ATP10B: variants seen among roughly 807,000 people sequenced by gnomAD.
ATP10B encodes the protein phospholipid-transporting ATPase VB.
A neutral mutation model predicts 141.2 loss-of-function variants in ATP10B; 122 were observed. That is an observed-to-expected ratio of 0.86 (90% CI 0.75 to 1.00). The LOEUF (loss-of-function observed/expected upper bound fraction) is 1.00, where lower values mean the gene tolerates loss of function less well. Ranked by LOEUF, ATP10B falls within the 50% of genes least tolerant of loss-of-function variation. The probability of loss-of-function intolerance (pLI) is 0.00; values close to 1 mark genes in which losing one functional copy is unlikely to be tolerated. For synonymous variants in ATP10B, 685 were observed against 692.0 expected (o/e 0.99, Z 0.16); for missense variants, 1,876 against 1,825.3 (o/e 1.03, Z -0.51).
the ATP10B span, among the ~76,000 whole-genome samples, chr5:160,867,438 T>C: frequency 6.6e-6 from 1 of 152,122 alleles, no homozygotes; most frequent in Admixed American, 6.6e-5. Flanking sequence ...GCTTATGGCC[T>C]AGATGTGAGG....
At chr5:160,641,086 T>C (rs1003582571) in intron 9 of ATP10B, among the ~76,000 whole-genome samples, 7 of 152,334 alleles carry the variant, frequency 4.6e-5, no homozygotes, top group Admixed American at 3.9e-4. Context: ...TAATTATCAT[T>C]ATTAATAAGT....
At position 160,707,828 on chromosome 5, in the gene ATP10B, T is replaced by C. The variant is rs556063513; in HGVS notation, c.-205+9081A>G. ...ACAGGCTTCGGCATTTAAGTACTCC[T>C]GTGGCTTGAATGGCAAAATGCCCGT... On this transcript the variant is annotated intron_variant, in intron 3 of 25. Transcript: ENST00000327245. Among the ~76,000 whole-genome samples the C allele has an allele frequency of 2.6e-5, 4 of 152,336 alleles. No individual in the cohort carries two copies. The East Asian group carries it at 7.7e-4, about 29-fold the overall frequency.
At chr5:160,752,618 AAAG>A (rs749538502) in intron 2 of ATP10B, among the ~76,000 whole-genome samples, 6 of 152,160 alleles carry the variant, frequency 3.9e-5, no homozygotes, top group Non-Finnish European at 8.8e-5. Flanking sequence ...CGTTGGGTAG[AAAG>A]AAGGATTTTT....
At chr5:160,613,668 T>C (rs1026008351) in intron 17 of ATP10B, among the ~76,000 whole-genome samples, 2 of 152,210 alleles carry the variant, frequency 1.3e-5, no homozygotes, top group African/African-American at 2.4e-5. Flanking sequence ...ATCTTTGCCC[T>C]GCAACTGATC....
the ATP10B span, among the ~76,000 whole-genome samples, chr5:160,869,539 G>A: frequency 2.0e-5 from 3 of 152,078 alleles, no homozygotes; most frequent in Admixed American, 6.6e-5. Context: ...TGCACTTCTG[G>A]CTTCCAATTC....
intron 7 of ATP10B, among the ~76,000 whole-genome samples, chr5:160,649,622 T>G (rs1047613016): frequency 6.6e-6 from 1 of 152,218 alleles, no homozygotes; most frequent in African/African-American, 2.4e-5. Flanking sequence ...GCATTTGAAG[T>G]GTGGTAGTTT....
At chr5:160,586,794 TC>T (rs201913949) in intron 24 of ATP10B, among the ~76,000 whole-genome samples, 2,374 of 152,344 alleles carry the variant, frequency 0.016, 28 homozygotes, top group Middle Eastern at 0.075. Flanking sequence ...TGTGTTCATA[TC>T]CTTTGCCCAC....
intron 7 of ATP10B, among the ~76,000 whole-genome samples, chr5:160,652,895 A>G (rs931114482): frequency 1.5e-5 from 1 of 68,194 alleles, no homozygotes; most frequent in African/African-American, 6.5e-5. Context: ...ATAATTATAT[A>G]ATATATTATA....
At chr5:160,658,969 T>C (rs1761703709) in intron 7 of ATP10B, among the ~76,000 whole-genome samples, 1 of 152,180 alleles carries the variant, frequency 6.6e-6, no homozygotes, top group African/African-American at 2.4e-5. Context: ...CCATATTAGA[T>C]TGGTATGGTT....
At chr5:160,809,972 G>A (rs1773036676) in intron 1 of ATP10B, among the ~76,000 whole-genome samples, 4 of 152,058 alleles carry the variant, frequency 2.6e-5, no homozygotes, top group Admixed American at 2.6e-4. Flanking sequence ...ATGTCTTTAA[G>A]ACATTGGTCA....
chr5:160,820,794 A>G (rs552572299), intron 1 of ATP10B, among the ~76,000 whole-genome samples: 41 of 152,264 alleles, frequency 2.7e-4, no homozygotes, highest in African/African-American at 9.4e-4. Context: ...TAAAAACCAT[A>G]TGGCCATTTC....
intron 22 of ATP10B, among the ~76,000 whole-genome samples, chr5:160,592,122 A>G (rs1039020568): frequency 1.3e-5 from 2 of 152,132 alleles, no homozygotes; most frequent in African/African-American, 4.8e-5. Context: ...GCCTCCTAGG[A>G]TGCCACCTGA....
At chr5:160,570,871 T>C (rs1228294367) in intron 24 of ATP10B, among the ~76,000 whole-genome samples, 1 of 152,244 alleles carries the variant, frequency 6.6e-6, no homozygotes, top group Non-Finnish European at 1.5e-5. Context: ...GTTAGGCAGC[T>C]ATTTTCCTTC....
At chr5:160,641,075 A>T (rs1235013375) in intron 9 of ATP10B, among the ~76,000 whole-genome samples, 2 of 152,226 alleles carry the variant, frequency 1.3e-5, no homozygotes, top group Admixed American at 1.3e-4. Flanking sequence ...GACAGAAGGG[A>T]TAATTATCAT....
intron 1 of ATP10B, among the ~76,000 whole-genome samples, chr5:160,802,345 T>C (rs186058379): frequency 5.3e-5 from 8 of 152,292 alleles, no homozygotes. Flanking sequence ...CACGCCTAAC[T>C]TAAAACCATT....
the ATP10B span, among the ~76,000 whole-genome samples, chr5:160,911,341 A>G: frequency 6.6e-6 from 1 of 152,210 alleles, no homozygotes; most frequent in Non-Finnish European, 1.5e-5. Context: ...TTTTAAAACA[A>G]TGACTGAGAA....
chr5:160,584,059 C>T (rs1755723899), intron 24 of ATP10B, among the ~76,000 whole-genome samples: 1 of 152,168 alleles, frequency 6.6e-6, no homozygotes, highest in African/African-American at 2.4e-5. Context: ...TTTGGCATTC[C>T]AGGCACCACT....
intron 2 of ATP10B, among the ~76,000 whole-genome samples, chr5:160,720,425 A>G (rs781511496): frequency 5.3e-5 from 8 of 152,204 alleles, no homozygotes; most frequent in Admixed American, 6.5e-5. Flanking sequence ...CCTGGGAAAT[A>G]TGTCTCTTAA....
At position 160,565,145 on chromosome 5, in the gene ATP10B, T is replaced by C. The variant is rs1754454292; in HGVS notation, c.*308A>G. 2 of 356,238 alleles carry C rather than the reference T, an allele frequency of 5.6e-6. No individual in the cohort carries two copies. Among genetic ancestry groups the C allele is most frequent in the Non-Finnish European group, 1.0e-5 (2 of 194,178 alleles). 22.1% of individuals were successfully genotyped at this position (356,238 alleles called of 1,614,324 possible). A position where few individuals can be genotyped will look rare whatever the true frequency, so the allele number is the denominator to read the frequency against. On this transcript the variant is annotated 3_prime_UTR_variant, in exon 26 of 26. Transcript: ENST00000327245. ...GGCACTGGGTTGTAGGCTACGCTTA[T>C]CTAGAGGGTCAGAAGAATGGCTTTG...
Sources: allele counts gnomAD v4.1 joint callset (sites outside exome capture counted in the v4.1 genomes callset), GRCh38; gene constraint gnomAD v4.1.1; transcripts MANE v1.5; gene names NCBI Gene and HGNC (gene_info 2026-07-23, HGNC 2026-07-21).